OSBPL10: variants seen among roughly 807,000 people sequenced by gnomAD.
OSBPL10 encodes the protein oxysterol-binding protein-related protein 10.
Under a neutral mutation model 81.7 loss-of-function variants are expected in OSBPL10, and 49 were observed. The observed-to-expected ratio is 0.60, with a 90% CI of 0.48 to 0.76. The LOEUF is 0.76. OSBPL10 is among the 30% of genes least tolerant of loss of function. The probability of loss-of-function intolerance (pLI) is 0.00; values close to 1 mark genes in which losing one functional copy is unlikely to be tolerated. For synonymous variants in OSBPL10, 419 were observed against 383.6 expected, an observed-to-expected ratio of 1.09 and a Z score of -1.08; for missense variants, 923 against 987.8, an observed-to-expected ratio of 0.93 and a Z score of 0.88.
chr3:32,009,676 G>A (rs1161699833), intron 2 of OSBPL10, among the ~76,000 whole-genome samples: 1 of 152,202 alleles, frequency 6.6e-6, no homozygotes, highest in Non-Finnish European at 1.5e-5. Flanking sequence ...TGCACCACAT[G>A]AGAAGTTCTG....
rs1559525545 is a variant in OSBPL10, at chr3:31,939,143, C to CTTTTTTTTTTTTTTTT, written c.281+41755_281+41756insAAAAAAAAAAAAAAAA. ...GTTTAATGTGCCAAGACTCTCTCAT[C>CTTTTTTTTTTTTTTTT]CTTTTTTTTTTTTTTTTTTGAGACA... On this transcript the variant is annotated intron_variant, in intron 1 of 11. Coordinates refer to ENST00000396556, the MANE Select transcript of OSBPL10 (RefSeq NM_017784.5). Among the ~76,000 whole-genome samples the CTTTTTTTTTTTTTTTT allele has an allele frequency of 4.0e-5, 2 of 49,700 alleles. 1 individual carries two copies. Among genetic ancestry groups the CTTTTTTTTTTTTTTTT allele is most frequent in the Non-Finnish European group, 9.2e-5 (2 of 21,828 alleles). 32.6% of individuals were successfully genotyped at this position (49,700 alleles called of 152,430 possible).
At chr3:31,793,311 C>T (rs1422738522) in intron 4 of OSBPL10, among the ~76,000 whole-genome samples, 2 of 152,224 alleles carry the variant, frequency 1.3e-5, no homozygotes, top group Non-Finnish European at 2.9e-5. Flanking sequence ...CAGCTTCCCT[C>T]AACTCTGTTG....
At position 31,752,876 on chromosome 3, in the gene OSBPL10, G is replaced by T. The variant is rs561093962; in HGVS notation, c.730-4756C>A. Among the ~76,000 whole-genome samples the T allele has an allele frequency of 3.9e-5, 6 of 152,264 alleles. No individual in the cohort carries two copies. The South Asian group carries it at 1.2e-3, about 32-fold the overall frequency. ...GTCACTCCTCCATTACTCTCCAAAA[G>T]CTCAGCATGAAGCAGCTCCTAAACA... On this transcript the variant is annotated intron_variant, in intron 4 of 11. Transcript: ENST00000396556.
At chr3:31,982,680 C>G (rs1698874464), upstream of OSBPL10, among the ~76,000 whole-genome samples, 1 of 151,968 alleles carries the variant, frequency 6.6e-6, no homozygotes, top group African/African-American at 2.4e-5. Flanking sequence ...AAGAGCTTGC[C>G]TGGACCAAAT....
At chr3:31,778,244 G>A (rs1029887861) in intron 4 of OSBPL10, among the ~76,000 whole-genome samples, 8 of 152,164 alleles carry the variant, frequency 5.3e-5, no homozygotes, top group Admixed American at 2.0e-4. Flanking sequence ...ATTGCTACCA[G>A]CTTTCCCCCA....
At chr3:32,075,026 C>G (rs1317672180) in intron 1 of OSBPL10, among the ~76,000 whole-genome samples, 2 of 152,196 alleles carry the variant, frequency 1.3e-5, no homozygotes, top group African/African-American at 2.4e-5. Flanking sequence ...AAAGAGTCAT[C>G]CGACTAATCC....
intron 1 of OSBPL10, among the ~76,000 whole-genome samples, chr3:32,070,809 ACTATTCCGTT>A: frequency 6.6e-6 from 1 of 151,980 alleles, no homozygotes; most frequent in South Asian, 2.1e-4. Context: ...TCCACAACTC[ACTATTCCGTT>A]CTTGATCTTA....
intron 3 of OSBPL10, among the ~76,000 whole-genome samples, chr3:31,846,736 T>C (rs1700643953): frequency 1.3e-5 from 2 of 150,716 alleles, no homozygotes; most frequent in Admixed American, 1.4e-4. Context: ...TGACTACCCT[T>C]TGGGCAAATC....
intron 7 of OSBPL10, among the ~76,000 whole-genome samples, chr3:31,695,248 T>C (rs902666060): frequency 6.6e-6 from 1 of 152,226 alleles, no homozygotes; most frequent in Admixed American, 6.5e-5. Context: ...GGTTTTTCTA[T>C]ATCTGTAACA....
At chr3:31,879,213 T>C (rs568090713) in intron 2 of OSBPL10, among the ~76,000 whole-genome samples, 13 of 152,180 alleles carry the variant, frequency 8.5e-5, no homozygotes, top group African/African-American at 3.1e-4. Flanking sequence ...CGACAGTGGA[T>C]TGAACAAAAC....
chr3:31,937,385 G>A (rs1268072535), intron 1 of OSBPL10, among the ~76,000 whole-genome samples: 1 of 152,116 alleles, frequency 6.6e-6, no homozygotes, highest in African/African-American at 2.4e-5. Context: ...ATACTCTTTA[G>A]GGGCTGAAAT....
intron 3 of OSBPL10, among the ~76,000 whole-genome samples, chr3:31,866,734 T>C (rs1457304382): frequency 1.3e-5 from 2 of 152,062 alleles, no homozygotes; most frequent in African/African-American, 2.4e-5. Flanking sequence ...CACCTACTCT[T>C]GGGGCTGTCC....
chr3:32,011,307 C>T lies in OSBPL10; in HGVS notation n.298+35184G>A, dbSNP rs145557775. Among the ~76,000 whole-genome samples the T allele has an allele frequency of 3.9e-3, 598 of 152,292 alleles. 1 individual carries two copies. The highest frequency in any genetic ancestry group is 7.5e-3 in the African/African-American group (311 of 41,574). On this transcript the variant is annotated intron_variant and non_coding_transcript_variant, in intron 2 of 3. Transcript: ENST00000479173. ...GCAATATTCACTGTTCTTCAGCCTC[C>T]GCTGCTGATACCCAGGCAAACAGGG...
intron 1 of OSBPL10, among the ~76,000 whole-genome samples, chr3:31,892,355 A>G (rs539374920): frequency 1.3e-5 from 2 of 152,306 alleles, no homozygotes; most frequent in East Asian, 3.9e-4. Flanking sequence ...TTATCCTAAC[A>G]TCAACCAGCG....
chr3:31,971,479 C>T (rs974445391), intron 1 of OSBPL10, among the ~76,000 whole-genome samples: 1 of 152,166 alleles, frequency 6.6e-6, no homozygotes, highest in African/African-American at 2.4e-5. Context: ...TGTCCTAAAC[C>T]CTTTATACAC....
intron 5 of OSBPL10, among the ~76,000 whole-genome samples, chr3:31,738,740 C>T (rs1405779867): frequency 2.0e-5 from 3 of 152,226 alleles, no homozygotes; most frequent in African/African-American, 7.2e-5. Flanking sequence ...CCCATGCAGC[C>T]GAGCTCCACA....
chr3:31,869,040 G>C lies in OSBPL10; in HGVS notation c.537+7393C>G, dbSNP rs555133564. Among the ~76,000 whole-genome samples the C allele has an allele frequency of 5.3e-5, 8 of 152,326 alleles. No homozygotes were observed. In the South Asian group the frequency reaches 1.4e-3, roughly 28 times the overall value. ...GGGATTTGTCAAAGCACCAAAGGTG[G>C]TCAGGAGTCTGAACTTCCAAGCAGC... On this transcript the variant is annotated intron_variant, in intron 3 of 11. Transcript: ENST00000396556.
At chr3:31,942,268 C>G (rs989584812) in intron 1 of OSBPL10, among the ~76,000 whole-genome samples, 1 of 151,502 alleles carries the variant, frequency 6.6e-6, no homozygotes, top group Non-Finnish European at 1.5e-5. Context: ...ATATAAAAAG[C>G]GGGCTGAGCG....
intron 3 of OSBPL10, among the ~76,000 whole-genome samples, chr3:31,863,827 A>G (rs1395584283): frequency 6.6e-6 from 1 of 152,210 alleles, no homozygotes; most frequent in East Asian, 1.9e-4. Flanking sequence ...CAAATACAAA[A>G]CAATAATATT....
Sources: allele counts gnomAD v4.1 joint callset (sites outside exome capture counted in the v4.1 genomes callset), GRCh38; gene constraint gnomAD v4.1.1; transcripts MANE v1.5; gene names NCBI Gene and HGNC (gene_info 2026-07-23, HGNC 2026-07-21).